Variants in ASXL1 observed in about 807,000 individuals in gnomAD.
ASXL1 encodes the protein polycomb group protein ASXL1.
Under a neutral mutation model 89.1 loss-of-function variants are expected in ASXL1, and 65 were observed. That is an observed-to-expected ratio of 0.73 (90% CI 0.60 to 0.90). ASXL1 has a LOEUF of 0.90. Among genes scored for constraint, ASXL1 ranks in the 40% least tolerant of loss-of-function variants. The probability of loss-of-function intolerance (pLI) is 0.00; values close to 1 mark genes in which losing one functional copy is unlikely to be tolerated. For synonymous variants in ASXL1, 739 were observed against 746.9 expected, an observed-to-expected ratio of 0.99 and a Z score of 0.17; for missense variants, 1,786 against 1,942.9, an observed-to-expected ratio of 0.92 and a Z score of 1.52.
At chr20:32,381,045 A>ACC (rs1050762809) in intron 4 of ASXL1, among the ~76,000 whole-genome samples, 45 of 152,102 alleles carry the variant, frequency 3.0e-4, no homozygotes, top group Non-Finnish European at 5.7e-4. Context: ...TATTTCTCAA[A>ACC]CACCCCAATC....
At chr20:32,367,940 T>C (rs770441648) in intron 3 of ASXL1, among the ~76,000 whole-genome samples, 27 of 152,248 alleles carry the variant, frequency 1.8e-4, no homozygotes, top group Non-Finnish European at 3.2e-4. Context: ...ACCCACTTGA[T>C]ACTCCAGATT....
intron 4 of ASXL1, among the ~76,000 whole-genome samples, chr20:32,378,158 T>TGTGTGTGTGTG (rs1555902407): frequency 7.7e-6 from 1 of 130,226 alleles, no homozygotes; most frequent in African/African-American, 3.1e-5. Context: ...GCTGAGTAAT[T>TGTGTGTGTGTG]TGTGTGTGTG....
chr20:32,436,715 A>G lies in ASXL1; in HGVS notation c.4003A>G (p.Ser1335Gly). 1.2e-6 allele frequency: 2 copies of G among 1,613,970 alleles called. No individual in the cohort carries two copies. Among genetic ancestry groups the G allele is most frequent in the South Asian group, 2.2e-5 (2 of 91,072 alleles). The change falls in exon 13 of 13, where the codon AGT becomes GGT. Residue 1335 changes from serine (S) to glycine (G), a missense_variant. Around this residue, in one of 3 missense-constraint regions of ASXL1, gnomAD observed 1,418 missense variants for 1,427.8 expected, o/e 0.99. Transcript: ENST00000375687. ...LPAEIPPVFP[S>G]GKLGPSTNSM... Reference sequence around the variant, plus strand: ...TGCTGAGATCCCTCCAGTTTTTCCCAGTGGGAAGTTGGGACCAAGCACAAA... The same window carrying G: ...TGCTGAGATCCCTCCAGTTTTTCCCGGTGGGAAGTTGGGACCAAGCACAAA...
At chr20:32,415,169 T>C (rs2049117139) in intron 4 of ASXL1, among the ~76,000 whole-genome samples, 1 of 151,924 alleles carries the variant, frequency 6.6e-6, no homozygotes, top group Non-Finnish European at 1.5e-5. Context: ...CCATCACCCC[T>C]GGCTAATTTT....
At position 32,437,392 on chromosome 20, in the gene ASXL1, A is replaced by G. The variant is rs2011988136; in HGVS notation, c.*54A>G. The G allele has an allele frequency of 6.3e-7, 1 of 1,591,340 alleles. No individual in the cohort carries two copies. Among genetic ancestry groups the G allele is most frequent in the Non-Finnish European group, 8.6e-7 (1 of 1,159,964 alleles). On this transcript the variant is annotated 3_prime_UTR_variant, in exon 13 of 13. Coordinates refer to ENST00000375687, the MANE Select transcript of ASXL1 (RefSeq NM_015338.6). Reference sequence around the variant, plus strand: ...ATTTAGTGTGTGTATTTTGATAATGATTGATCTTAAATCTGTATACAGAAT... The same window carrying G: ...ATTTAGTGTGTGTATTTTGATAATGGTTGATCTTAAATCTGTATACAGAAT...
chr20:32,434,713 T>TG lies in ASXL1; in HGVS notation c.2003dup (p.Gly669TrpfsTer2). 6.2e-7 allele frequency: 1 copy of TG among 1,610,090 alleles called. No homozygotes were observed. Among genetic ancestry groups the TG allele is most frequent in the Non-Finnish European group, 8.5e-7 (1 of 1,178,630 alleles). ...GTGGCAGAGGCAGCAGCAGTGGTGA[T>TG]GGTGGTGAGGCCTGTGGCCACCCTG... is the stretch of plus-strand genomic sequence containing the variant. On this transcript the variant is annotated frameshift_variant, in exon 13 of 13. Transcript: ENST00000375687. LOFTEE classifies it low-confidence loss of function (END_TRUNC).
At chr20:32,379,840 AT>A (rs1012605535) in intron 4 of ASXL1, among the ~76,000 whole-genome samples, 3 of 52,966 alleles carry the variant, frequency 5.7e-5, no homozygotes, top group Non-Finnish European at 1.4e-4. Flanking sequence ...AAAGAAAAAA[AT>A]AAAAAAGATG....
intron 4 of ASXL1, among the ~76,000 whole-genome samples, chr20:32,391,014 A>G (rs2122988774): frequency 6.6e-6 from 1 of 151,866 alleles, no homozygotes; most frequent in South Asian, 2.1e-4. Context: ...CAGCCTCCTG[A>G]GTAGCTGGGA....
At position 32,437,728 on chromosome 20, in the gene ASXL1, C is replaced by T. The variant is rs2012012004; in HGVS notation, c.*390C>T. ...GAACTAAGTAGAAATGCCAGTCTTC[C>T]ACTACCCCCTCCCTGCCATCTTTTC... On this transcript the variant is annotated 3_prime_UTR_variant, in exon 13 of 13. Transcript: ENST00000375687. 5 of 313,740 alleles carry T rather than the reference C, an allele frequency of 1.6e-5. No individual in the cohort carries two copies. The highest frequency in any genetic ancestry group is 5.9e-5 in the South Asian group (1 of 16,864). The allele number at this position is 313,740 out of a possible 1,614,324, so 19.4% of individuals were successfully genotyped here.
chr20:32,361,483 C>G (rs938981583), intron 1 of ASXL1, among the ~76,000 whole-genome samples: 1 of 151,210 alleles, frequency 6.6e-6, no homozygotes, highest in Non-Finnish European at 1.5e-5. Context: ...ACTAAAAATA[C>G]AAAAATTAGC....
intron 4 of ASXL1, among the ~76,000 whole-genome samples, chr20:32,422,417 C>T (rs1330248395): frequency 2.7e-5 from 4 of 146,540 alleles, no homozygotes; most frequent in Non-Finnish European, 6.0e-5. Context: ...ACAGTTATCA[C>T]ACTCAGAAAA....
At chr20:32,382,164 AGT>A (rs2048499042) in intron 4 of ASXL1, among the ~76,000 whole-genome samples, 1 of 151,136 alleles carries the variant, frequency 6.6e-6, no homozygotes, top group Non-Finnish European at 1.5e-5. Context: ...TACTAGAGAC[AGT>A]GTTTTTCCAT....
At chr20:32,417,954 G>A (rs1157150771) in intron 4 of ASXL1, among the ~76,000 whole-genome samples, 1 of 151,958 alleles carries the variant, frequency 6.6e-6, no homozygotes, top group South Asian at 2.1e-4. Context: ...TGAGGCAGGC[G>A]AATCACGAGG....
At chr20:32,397,274 TTTTTTTTG>T (rs2048784936) in intron 4 of ASXL1, among the ~76,000 whole-genome samples, 1 of 136,918 alleles carries the variant, frequency 7.3e-6, no homozygotes, top group African/African-American at 2.7e-5. Context: ...TTTTTTTTTT[TTTTTTTTG>T]GTAGAGATGG....
At chr20:32,372,732 C>G (rs2048318776) in intron 4 of ASXL1, among the ~76,000 whole-genome samples, 1 of 151,664 alleles carries the variant, frequency 6.6e-6, no homozygotes, top group Non-Finnish European at 1.5e-5. Flanking sequence ...GTAGCTAGGA[C>G]TACAGGCGTG....
At position 32,437,389 on chromosome 20, in the gene ASXL1, ATGAT is replaced by A. The variant is rs746357555; in HGVS notation, c.*56_*59del. ...TATATTTAGTGTGTGTATTTTGATA[ATGAT>A]TGATCTTAAATCTGTATACAGAATA... On this transcript the variant is annotated 3_prime_UTR_variant, in exon 13 of 13. Coordinates refer to ENST00000375687, the MANE Select transcript of ASXL1 (RefSeq NM_015338.6). The A allele has an allele frequency of 4.0e-5, 64 of 1,593,254 alleles. No individual in the cohort carries two copies. Among genetic ancestry groups the A allele is most frequent in the Non-Finnish European group, 5.4e-5 (63 of 1,161,568 alleles).
Position 32,435,111 on chromosome 20 carries a change from A to T in ASXL1, c.2399A>T (p.Asp800Val). Reference sequence around the variant, plus strand: ...GGCACCACTTCCTGGGAAAGTGATGATGAGGAGCAAGGACCCACCGTTCCT... The same window carrying T: ...GGCACCACTTCCTGGGAAAGTGATGTTGAGGAGCAAGGACCCACCGTTCCT... ...ESGTTSWESDDEEQGPTVPAD... is the reference protein window; with the variant it reads ...ESGTTSWESDVEEQGPTVPAD... The change falls in exon 13 of 13, where the codon GAT (aspartate) becomes GTT (valine). Residue 800 changes from aspartate to valine, a missense_variant. Physicochemically the swap from Asp to Val is radical, Grantham distance 152. Around this residue, in one of 3 missense-constraint regions of ASXL1, gnomAD observed 1,418 missense variants for 1,427.8 expected, o/e 0.99. Transcript: ENST00000375687. 1 of 1,613,938 alleles carries T rather than the reference A, an allele frequency of 6.2e-7. No individual in the cohort carries two copies. The highest frequency in any genetic ancestry group is 2.2e-5 in the East Asian group (1 of 44,876).
intron 4 of ASXL1, among the ~76,000 whole-genome samples, chr20:32,386,635 C>T (rs1220827786): frequency 6.6e-6 from 1 of 152,072 alleles, no homozygotes; most frequent in African/African-American, 2.4e-5. Flanking sequence ...CCAGGCTGGT[C>T]TCAAGCTCCT....
intron 4 of ASXL1, among the ~76,000 whole-genome samples, chr20:32,403,255 C>T (rs967024626): frequency 3.3e-5 from 5 of 152,134 alleles, no homozygotes; most frequent in Admixed American, 6.6e-5. Flanking sequence ...CATTGACCTA[C>T]GCATCTGTTC....
Sources: gnomAD v4.1 joint callset for allele counts (sites outside exome capture counted in the v4.1 genomes callset) on GRCh38, gnomAD v4.1.1 for gene constraint, gnomAD v4.1.1 regional missense constraint, MANE v1.5 for transcripts, NCBI Gene and HGNC (gene_info 2026-07-23, HGNC 2026-07-21) for gene names.